The following CSMD1 variants were observed in gnomAD, a reference collection of about 807,000 sequenced individuals.
The protein encoded by CSMD1 is CUB and sushi domain-containing protein 1.
Under a neutral mutation model 417.5 loss-of-function variants are expected in CSMD1, and 213 were observed. The observed-to-expected ratio is 0.51, with a 90% CI of 0.46 to 0.57. CSMD1 has a LOEUF of 0.57. Ranked by LOEUF, CSMD1 falls within the 20% of genes least tolerant of loss-of-function variation. The pLI, the probability that CSMD1 is intolerant of heterozygous loss-of-function variation, is 0.00. For synonymous variants in CSMD1, 2,862 were observed against 1,736.8 expected (o/e 1.65, Z -16.11); for missense variants, 6,923 against 4,529.7 (o/e 1.53, Z -15.17).
chr8:4,430,253 A>T (rs1374528564), intron 2 of CSMD1, among the ~76,000 whole-genome samples: 1 of 151,918 alleles, frequency 6.6e-6, no homozygotes, highest in Non-Finnish European at 1.5e-5. Context: ...TCGGAGAAGA[A>T]ATTTTCTAAA....
intron 3 of CSMD1, among the ~76,000 whole-genome samples, chr8:4,144,627 T>A (rs1411172367): frequency 6.6e-6 from 1 of 151,002 alleles, no homozygotes; most frequent in African/African-American, 2.5e-5. Flanking sequence ...TTCTTGTTTG[T>A]CTGGAGCTTC....
chr8:4,389,291 A>T (rs1803684701), intron 3 of CSMD1, among the ~76,000 whole-genome samples: 2 of 152,174 alleles, frequency 1.3e-5, no homozygotes, highest in Non-Finnish European at 2.9e-5. Context: ...AGAATTAGAA[A>T]ATGCGATCAT....
intron 1 of CSMD1, among the ~76,000 whole-genome samples, chr8:4,654,411 A>G (rs1426008179): frequency 6.6e-6 from 1 of 152,072 alleles, no homozygotes; most frequent in African/African-American, 2.4e-5. Context: ...GGGGAAGTAG[A>G]GCAAATTCTT....
intron 1 of CSMD1, among the ~76,000 whole-genome samples, chr8:4,666,318 G>A (rs1456597951): frequency 6.6e-6 from 1 of 152,088 alleles, no homozygotes; most frequent in Non-Finnish European, 1.5e-5. Flanking sequence ...TAGCCAGATG[G>A]GCCCAATATA....
intron 1 of CSMD1, among the ~76,000 whole-genome samples, chr8:4,794,281 C>A (rs1479651483): frequency 2.0e-5 from 3 of 152,074 alleles, no homozygotes; most frequent in African/African-American, 4.8e-5. Context: ...AAAGGCCTAC[C>A]ATTTTGATAT....
At chr8:4,207,895 A>G (rs1157503290) in intron 3 of CSMD1, among the ~76,000 whole-genome samples, 2 of 152,136 alleles carry the variant, frequency 1.3e-5, no homozygotes, top group Admixed American at 1.3e-4. Flanking sequence ...CTCATGGAGC[A>G]ACAAACATAA....
At chr8:4,942,700 G>A (rs1045302449) in intron 1 of CSMD1, among the ~76,000 whole-genome samples, 3 of 152,098 alleles carry the variant, frequency 2.0e-5, no homozygotes, top group Non-Finnish European at 4.4e-5. Flanking sequence ...AGGCAGTTTG[G>A]CAGACACAGA....
intron 3 of CSMD1, among the ~76,000 whole-genome samples, chr8:4,354,883 T>TGTGTGA (rs1478624326): frequency 2.0e-5 from 3 of 149,618 alleles, no homozygotes; most frequent in African/African-American, 7.4e-5. Flanking sequence ...TGTGTGTGTG[T>TGTGTGA]GTGTGTGTGT....
At position 4,483,599 on chromosome 8, in the gene CSMD1, C is replaced by A. The variant is rs75445778; in HGVS notation, c.303-63534G>T. Among the ~76,000 whole-genome samples the A allele has an allele frequency of 7.8e-4, 119 of 152,244 alleles. 1 individual carries two copies. In the East Asian group the frequency reaches 0.021, roughly 27 times the overall value. On this transcript the variant is annotated intron_variant, in intron 2 of 69. Coordinates refer to ENST00000635120, the MANE Select transcript of CSMD1 (RefSeq NM_033225.6). ...TCAAATAGGTGATTCATTTTCAATA[C>A]AAGCATAGGTGCAGCTAAGACTAAT...
chr8:3,941,050 T>A (rs1449555342), intron 5 of CSMD1, among the ~76,000 whole-genome samples: 1 of 152,058 alleles, frequency 6.6e-6, no homozygotes, highest in Non-Finnish European at 1.5e-5. Context: ...TACATTCATA[T>A]AATCAAATTG....
chr8:3,843,543 A>G (rs575691740), intron 5 of CSMD1, among the ~76,000 whole-genome samples: 1 of 152,216 alleles, frequency 6.6e-6, no homozygotes, highest in South Asian at 2.1e-4. Flanking sequence ...AAAGTAAAAA[A>G]AAAACAAGTT....
At chr8:3,375,544 T>C (rs1810254485) in intron 18 of CSMD1, among the ~76,000 whole-genome samples, 1 of 152,142 alleles carries the variant, frequency 6.6e-6, no homozygotes, top group Non-Finnish European at 1.5e-5. Flanking sequence ...TATATTTATA[T>C]GAATACATTA....
chr8:3,099,333 C>G (rs1229319762), intron 46 of CSMD1, among the ~76,000 whole-genome samples: 3 of 152,142 alleles, frequency 2.0e-5, no homozygotes, highest in Non-Finnish European at 4.4e-5. Context: ...AACCAACAAA[C>G]AACCCCAGGG....
chr8:3,917,807 C>T (rs1488415615), intron 5 of CSMD1, among the ~76,000 whole-genome samples: 1 of 151,964 alleles, frequency 6.6e-6, no homozygotes, highest in Non-Finnish European at 1.5e-5. Context: ...TTGCCATTAG[C>T]AATATTAGTT....
In CSMD1 at chr8:4,514,900, G is replaced by A. The variant is rs543369911; in HGVS notation, c.303-94835C>T. 5.3e-5 allele frequency among the ~76,000 whole-genome samples: 8 copies of A among 152,078 alleles called. No individual in the cohort carries two copies. The East Asian group carries it at 9.7e-4, about 18-fold the overall frequency. The stretch of plus-strand genomic sequence containing the variant: ...ACCACACCAAAAACAAAGATGGCTC[G>A]AGAACAGAGTAAGCAATATGAATCC... On this transcript the variant is annotated intron_variant, in intron 2 of 69. Transcript: ENST00000635120.
At chr8:3,786,068 A>C (rs924703181) in intron 5 of CSMD1, among the ~76,000 whole-genome samples, 3 of 152,106 alleles carry the variant, frequency 2.0e-5, no homozygotes, top group African/African-American at 7.2e-5. Context: ...GGTGAGAATG[A>C]GCAGGCCTCA....
intron 3 of CSMD1, among the ~76,000 whole-genome samples, chr8:4,184,707 G>A (rs995970678): frequency 6.6e-6 from 1 of 152,196 alleles, no homozygotes; most frequent in Non-Finnish European, 1.5e-5. Context: ...TGGAAGGTGG[G>A]AGGAGGGAGG....
chr8:4,820,788 A>C (rs78804078), intron 1 of CSMD1, among the ~76,000 whole-genome samples: 241 of 152,312 alleles, frequency 1.6e-3, no homozygotes, highest in African/African-American at 5.7e-3. Flanking sequence ...TATTAATATG[A>C]AACAAGACAA....
chr8:4,417,322 T>C (rs546260236), intron 3 of CSMD1, among the ~76,000 whole-genome samples: 29 of 152,204 alleles, frequency 1.9e-4, no homozygotes, highest in African/African-American at 6.7e-4. Context: ...TAATAGTTTA[T>C]GTAAATAAAG....
Sources: allele counts gnomAD v4.1 joint callset (sites outside exome capture counted in the v4.1 genomes callset), GRCh38; gene constraint gnomAD v4.1.1; transcripts MANE v1.5; gene names NCBI Gene and HGNC (gene_info 2026-07-23, HGNC 2026-07-21).